ZNF563: variants seen among roughly 807,000 people sequenced by gnomAD.
ZNF563 encodes the protein zinc finger protein 563.
ZNF563 carries 39 observed loss-of-function variants against 48.5 expected under a neutral mutation model. The ratio of observed to expected loss-of-function variants is 0.80; its 90% confidence interval spans 0.62 to 1.05. The LOEUF (loss-of-function observed/expected upper bound fraction) is 1.05. ZNF563 is among the 50% of genes least tolerant of loss of function. The pLI is 0.00. For missense variants in ZNF563, 538 were observed against 597.0 expected, an observed-to-expected ratio of 0.90 and a Z score of 1.03; for synonymous variants, 168 against 187.9, an observed-to-expected ratio of 0.89 and a Z score of 0.87.
rs1401652221 is a variant in ZNF563 at position 12,318,842 on chromosome 19, A to G, written c.1183T>C (p.Cys395Arg). 6.2e-7 allele frequency: 1 copy of G among 1,614,126 alleles called. No individual in the cohort carries two copies. The highest frequency in any genetic ancestry group is 8.5e-7 in the Non-Finnish European group (1 of 1,180,018). ...ACAAAAGCTTTCCCACATATCTTGC[A>G]TTTATGAGGTCCACCTCCAGTGTGC... ...IMHTGGGPHK[C>R]KICGKAFVYP... Residue 395 changes from cysteine to arginine, a missense_variant, in exon 4 of 4, where the codon TGC becomes CGC. Physicochemically the swap from Cys to Arg is radical, Grantham distance 180. Transcript: ENST00000293725.
chr19:12,330,463 C>T (rs539244768), intron 1 of ZNF563, among the ~76,000 whole-genome samples: 14 of 152,228 alleles, frequency 9.2e-5, no homozygotes, highest in Middle Eastern at 3.4e-3. Context: ...AGCAATCCTA[C>T]GTAATTAAGA....
At position 12,318,654 on chromosome 19, in the gene ZNF563, G is replaced by T. The variant is rs879190114; in HGVS notation, c.1371C>A (p.Ala457=). The part of the protein sequence containing the change: ...GPNKCKVCGK[A]FVYPSVCQRH... ...TTTGACATACACTGGGATAAACAAA[G>T]GCTTTCCCACATACCTTGCATTTAT... The change falls in exon 4 of 4, where the codon GCC becomes GCA. Residue 457 remains alanine, a synonymous_variant. Coordinates refer to ENST00000293725, the MANE Select transcript of ZNF563 (RefSeq NM_145276.3). 1 of 1,613,954 alleles carries T rather than the reference G, an allele frequency of 6.2e-7. No individual in the cohort carries two copies. The highest frequency in any genetic ancestry group is 8.5e-7 in the Non-Finnish European group (1 of 1,180,024).
intron 2 of ZNF563, among the ~76,000 whole-genome samples, chr19:12,322,092 G>C (rs1051338814): frequency 6.6e-6 from 1 of 151,942 alleles, no homozygotes; most frequent in Non-Finnish European, 1.5e-5. Context: ...TTCTCGCTCT[G>C]TCACCCAGGT....
At chr19:12,330,791 A>C (rs527695528) in intron 1 of ZNF563, among the ~76,000 whole-genome samples, 1 of 152,178 alleles carries the variant, frequency 6.6e-6, no homozygotes, top group African/African-American at 2.4e-5. Context: ...TATTCACTCT[A>C]TTACCTCAGC....
upstream of ZNF563, among the ~76,000 whole-genome samples, chr19:12,337,211 C>CT (rs769885046): frequency 4.4e-4 from 66 of 151,076 alleles, no homozygotes; most frequent in East Asian, 9.7e-4. Context: ...TTATTTCTCT[C>CT]TTTTTTTTTG....
At chr19:12,328,016 C>T (rs749891926) in intron 1 of ZNF563, among the ~76,000 whole-genome samples, 1 of 152,204 alleles carries the variant, frequency 6.6e-6, no homozygotes, top group Non-Finnish European at 1.5e-5. Flanking sequence ...CAGAAAATCA[C>T]TAACGATATG....
At chr19:12,337,905 C>G (rs757691537), upstream of ZNF563, among the ~76,000 whole-genome samples, 2 of 152,194 alleles carry the variant, frequency 1.3e-5, no homozygotes, top group Non-Finnish European at 2.9e-5. Context: ...GCCTGGGGAA[C>G]AGAGTAAAAC....
At chr19:12,340,622 C>A in the ZNF563 span, among the ~76,000 whole-genome samples, 7,422 of 152,034 alleles carry the variant, frequency 0.049, 600 homozygotes, top group African/African-American at 0.17. Flanking sequence ...GAAAAAAATA[C>A]AAAAATTAGC....
At chr19:12,324,720 G>GAAAAAA (rs61639995) in intron 1 of ZNF563, among the ~76,000 whole-genome samples, 1 of 56,800 alleles carries the variant, frequency 1.8e-5, no homozygotes, top group African/African-American at 6.0e-5. Flanking sequence ...TCCGTCTCAA[G>GAAAAAA]AAAAAAAAAA....
intron 1 of ZNF563, among the ~76,000 whole-genome samples, chr19:12,329,868 A>G (rs1968880772): frequency 6.6e-6 from 1 of 152,146 alleles, no homozygotes; most frequent in Non-Finnish European, 1.5e-5. Flanking sequence ...ATTCTCTACA[A>G]TATCTTCCAG....
rs191083526 is a variant in ZNF563 at position 12,333,351 on chromosome 19, G to A, written c.3+129C>T. On this transcript the variant is annotated intron_variant, in intron 1 of 3. Transcript: ENST00000293725. ...GGCTGAGGGGACCGAGGGTCGAGCT[G>A]CGCCAGGGGGACTCGGGTCCCAGAC... 4.6e-6 allele frequency: 6 copies of A among 1,311,498 alleles called. No individual in the cohort carries two copies. The Admixed American group carries it at 1.0e-4, about 22-fold the overall frequency. The allele number at this position is 1,311,498 out of a possible 1,614,324, so 81.2% of individuals were successfully genotyped here. A position where few individuals can be genotyped will look rare whatever the true frequency, so the allele number is the denominator to read the frequency against.
chr19:12,342,255 C>A, the ZNF563 span, among the ~76,000 whole-genome samples: 1 of 152,022 alleles, frequency 6.6e-6, no homozygotes, highest in Non-Finnish European at 1.5e-5. Context: ...TGGGCTCAAG[C>A]AATCCTCCTA....
chr19:12,324,358 C>CA lies in ZNF563; in HGVS notation c.4-1648dup, dbSNP rs553987740. Among the ~76,000 whole-genome samples, 14 of 142,212 alleles carry CA rather than the reference C, an allele frequency of 9.8e-5. No individual in the cohort carries two copies. In the South Asian group the frequency reaches 3.1e-3, roughly 31 times the overall value. The allele number at this position is 142,212 out of a possible 152,430, so 93.3% of individuals were successfully genotyped here. ...TGGGTGATACAGTGAGACTCTGTCT[C>CA]AAAAAAATAAATAAAATTACATTAT... On this transcript the variant is annotated intron_variant, in intron 1 of 3. Transcript: ENST00000293725.
intron 3 of ZNF563, among the ~76,000 whole-genome samples, chr19:12,320,339 TTTAA>T (rs1383512284): frequency 6.6e-6 from 1 of 152,110 alleles, no homozygotes; most frequent in East Asian, 1.9e-4. Flanking sequence ...TCCTTTTCTT[TTTAA>T]TTAATTAATT....
At chr19:12,344,078 C>T in the ZNF563 span, among the ~76,000 whole-genome samples, 2 of 151,152 alleles carry the variant, frequency 1.3e-5, no homozygotes, top group African/African-American at 4.9e-5. Context: ...ACTTCAGCAG[C>T]ATATTTAAAG....
the ZNF563 span, among the ~76,000 whole-genome samples, chr19:12,344,391 T>G: frequency 6.6e-6 from 1 of 150,744 alleles, no homozygotes; most frequent in Admixed American, 6.6e-5. Flanking sequence ...GTGGGATTTA[T>G]TCCCAGAATG....
At chr19:12,341,050 A>ATTTTTATT in the ZNF563 span, among the ~76,000 whole-genome samples, 1 of 152,074 alleles carries the variant, frequency 6.6e-6, no homozygotes, top group Non-Finnish European at 1.5e-5. Context: ...AAAACCTATT[A>ATTTTTATT]TTTTTATTTA....
rs775689991 is a variant in ZNF563 at position 12,318,096 on chromosome 19, G to C, written c.*498C>G. 5.5e-5 allele frequency: 9 copies of C among 164,454 alleles called. No homozygotes were observed. The highest frequency in any genetic ancestry group is 9.2e-5 in the Non-Finnish European group (7 of 76,302). 10.2% of individuals were successfully genotyped at this position (164,454 alleles called of 1,614,324 possible). On this transcript the variant is annotated 3_prime_UTR_variant, in exon 4 of 4. Coordinates refer to ENST00000293725, the MANE Select transcript of ZNF563 (RefSeq NM_145276.3). The stretch of plus-strand genomic sequence containing the variant: ...TGGCTCACTGCAACCCCCACCCCTT[G>C]GGCTCAAGAGATCTTCCCACCTCAG...
intron 2 of ZNF563, 139 bp from the exon 3 acceptor site, chr19:12,321,471 G>T: frequency 2.2e-6 from 1 of 463,244 alleles, no homozygotes; most frequent in South Asian, 6.2e-5. Flanking sequence ...TGGAGGCAGA[G>T]TCTCACTCTG....
Sources: allele counts gnomAD v4.1 joint callset (sites outside exome capture counted in the v4.1 genomes callset), GRCh38; gene constraint gnomAD v4.1.1; transcripts MANE v1.5; gene names NCBI Gene and HGNC (gene_info 2026-07-23, HGNC 2026-07-21).